Variants in MCTP1 observed in about 807,000 individuals in gnomAD.
MCTP1 encodes multiple C2 and transmembrane domain containing 1, also known as multiple C2 and transmembrane domain-containing protein 1.
MCTP1 carries 69 observed loss-of-function variants against 120.6 expected under a neutral mutation model. The ratio of observed to expected loss-of-function variants is 0.57; its 90% confidence interval spans 0.47 to 0.70. MCTP1 has a LOEUF of 0.70. Among genes scored for constraint, MCTP1 ranks in the 30% least tolerant of loss-of-function variants. The pLI is 0.00. For missense variants in MCTP1, 1,203 were observed against 1,248.8 expected (o/e 0.96, Z 0.55); for synonymous variants, 529 against 493.1 (o/e 1.07, Z -0.96).
At chr5:94,730,745 A>G (rs574155583) in intron 19 of MCTP1, among the ~76,000 whole-genome samples, 1 of 152,204 alleles carries the variant, frequency 6.6e-6, no homozygotes, top group South Asian at 2.1e-4. Context: ...CTTGCCCTTT[A>G]CTCATTCTTT....
chr5:94,925,261 G>C (rs892942504), intron 6 of MCTP1, among the ~76,000 whole-genome samples: 3 of 152,192 alleles, frequency 2.0e-5, no homozygotes, highest in African/African-American at 7.2e-5. Context: ...CTAAACAGAA[G>C]TGGTGATTGT....
intron 1 of MCTP1, among the ~76,000 whole-genome samples, chr5:95,174,597 A>T (rs940543392): frequency 6.6e-6 from 1 of 152,160 alleles, no homozygotes; most frequent in Admixed American, 6.5e-5. Context: ...CTGTTCCCCT[A>T]CTTACTAGGT....
intron 1 of MCTP1, among the ~76,000 whole-genome samples, chr5:95,152,179 TAA>T (rs935662565): frequency 1.3e-5 from 2 of 152,196 alleles, no homozygotes; most frequent in African/African-American, 4.8e-5. Context: ...ACCACCCTAT[TAA>T]GTTTCAATGA....
At chr5:95,020,492 A>G (rs1837995270) in intron 1 of MCTP1, among the ~76,000 whole-genome samples, 2 of 151,978 alleles carry the variant, frequency 1.3e-5, no homozygotes, top group Admixed American at 1.3e-4. Context: ...TTAAAATGGC[A>G]TATAGAACAG....
intron 17 of MCTP1, among the ~76,000 whole-genome samples, chr5:94,823,489 C>A (rs1045129883): frequency 2.0e-5 from 3 of 152,130 alleles, no homozygotes; most frequent in Admixed American, 6.5e-5. Context: ...ATGCATCCGG[C>A]TTTGTTCTTT....
intron 1 of MCTP1, among the ~76,000 whole-genome samples, chr5:95,124,255 C>G (rs1758456193): frequency 6.6e-6 from 1 of 152,170 alleles, no homozygotes; most frequent in Admixed American, 6.5e-5. Context: ...GACTGGCATA[C>G]TCTACTTTGG....
At chr5:94,772,844 G>A (rs1235364446) in intron 19 of MCTP1, among the ~76,000 whole-genome samples, 1 of 152,174 alleles carries the variant, frequency 6.6e-6, no homozygotes, top group African/African-American at 2.4e-5. Context: ...GGAAGCGTAA[G>A]GATGCCAAAT....
At chr5:95,081,900 C>A in intron 1 of MCTP1, 1 of 869,518 alleles carries the variant, frequency 1.2e-6, no homozygotes, top group Non-Finnish European at 1.4e-6. Flanking sequence ...AGAATAACAA[C>A]ACTGCACAAA....
At chr5:94,827,381 T>C (rs1344680207) in intron 17 of MCTP1, among the ~76,000 whole-genome samples, 1 of 152,210 alleles carries the variant, frequency 6.6e-6, no homozygotes, top group African/African-American at 2.4e-5. Flanking sequence ...ACCCGATCTT[T>C]CTCTCTGGCT....
chr5:95,091,795 T>C (rs540616290), intron 1 of MCTP1, among the ~76,000 whole-genome samples: 1 of 152,368 alleles, frequency 6.6e-6, no homozygotes, highest in Admixed American at 6.5e-5. Flanking sequence ...ATGGTAGTTT[T>C]AAGCTGCTAG....
intron 1 of MCTP1, among the ~76,000 whole-genome samples, chr5:95,155,885 A>G (rs1381899187): frequency 6.6e-6 from 1 of 152,148 alleles, no homozygotes; most frequent in Non-Finnish European, 1.5e-5. Flanking sequence ...TGGGTTGGTC[A>G]CTCATTTGAT....
At chr5:95,262,953 A>G (rs1487672676) in intron 1 of MCTP1, among the ~76,000 whole-genome samples, 1 of 152,198 alleles carries the variant, frequency 6.6e-6, no homozygotes, top group Non-Finnish European at 1.5e-5. Context: ...CTATGTGCAA[A>G]GCATATATGA....
At chr5:95,044,844 C>T (rs1284058778) in intron 1 of MCTP1, among the ~76,000 whole-genome samples, 1 of 151,992 alleles carries the variant, frequency 6.6e-6, no homozygotes, top group Admixed American at 6.6e-5. Flanking sequence ...CCCCGTCATC[C>T]CTAACGTGAA....
intron 19 of MCTP1, among the ~76,000 whole-genome samples, chr5:94,720,416 G>A (rs1760625245): frequency 6.6e-6 from 1 of 152,014 alleles, no homozygotes; most frequent in Non-Finnish European, 1.5e-5. Context: ...ATCTGAAAAT[G>A]TTTTAATTGC....
chr5:94,904,203 CATG>C (rs1806213455), intron 10 of MCTP1, among the ~76,000 whole-genome samples: 1 of 152,178 alleles, frequency 6.6e-6, no homozygotes, highest in Non-Finnish European at 1.5e-5. Context: ...CTGAGCACTC[CATG>C]GCTCCAGGAC....
chr5:95,176,666 G>A (rs542920066), intron 1 of MCTP1, among the ~76,000 whole-genome samples: 24 of 152,076 alleles, frequency 1.6e-4, no homozygotes, highest in Non-Finnish European at 2.5e-4. Context: ...TGGCCAACAT[G>A]CCAAAACCCT....
chr5:94,970,484 T>C (rs1055286614), intron 2 of MCTP1, among the ~76,000 whole-genome samples: 4 of 152,030 alleles, frequency 2.6e-5, no homozygotes, highest in Admixed American at 2.6e-4. Context: ...AACGAAAATA[T>C]GGATTGCTTT....
intron 1 of MCTP1, among the ~76,000 whole-genome samples, chr5:95,024,508 C>A (rs1838834603): frequency 6.6e-6 from 1 of 152,018 alleles, no homozygotes; most frequent in African/African-American, 2.4e-5. Context: ...ACATCATGCT[C>A]AACACTGAAA....
chr5:94,715,772 T>C (rs1358081444), intron 19 of MCTP1, among the ~76,000 whole-genome samples: 1 of 152,230 alleles, frequency 6.6e-6, no homozygotes, highest in African/African-American at 2.4e-5. Context: ...GGCTGTTTAG[T>C]GGAGACCATC....
Sources: allele counts gnomAD v4.1 joint callset (sites outside exome capture counted in the v4.1 genomes callset), GRCh38; gene constraint gnomAD v4.1.1; transcripts MANE v1.5; gene names NCBI Gene and HGNC (gene_info 2026-07-23, HGNC 2026-07-21).